The following STARD13 variants were observed in gnomAD, a reference collection of about 807,000 sequenced individuals.
STARD13 encodes the protein stAR-related lipid transfer protein 13.
In STARD13, 62 loss-of-function variants were observed where a neutral mutation model predicts 106.4. That is an observed-to-expected ratio of 0.58 (90% CI 0.48 to 0.72). The LOEUF is 0.72. Ranked by LOEUF, STARD13 falls within the 30% of genes least tolerant of loss-of-function variation. STARD13 has a pLI of 0.00. For synonymous variants in STARD13, 565 were observed against 553.0 expected, an observed-to-expected ratio of 1.02 and a Z score of -0.31; for missense variants, 1,387 against 1,424.0, an observed-to-expected ratio of 0.97 and a Z score of 0.42.
intron 2 of STARD13, among the ~76,000 whole-genome samples, chr13:33,166,225 T>A (rs149899033): frequency 6.6e-6 from 1 of 152,148 alleles, no homozygotes; most frequent in East Asian, 1.9e-4. Flanking sequence ...TAATTCCCCT[T>A]CTGGTGAAAA....
chr13:33,419,966 T>A, the STARD13 span, among the ~76,000 whole-genome samples: 1 of 151,918 alleles, frequency 6.6e-6, no homozygotes, highest in Non-Finnish European at 1.5e-5. Context: ...GCACTAAACA[T>A]GGAAAGGAAC....
At position 33,257,550 on chromosome 13, in the gene STARD13, A is replaced by G. The variant is rs1325775039; in HGVS notation, c.169+27920T>C. ...GCCCTGGAGCCTGAAGACATTTGAG[A>G]TGGATACACCTAAGGAGAGGAGGAG... On this transcript the variant is annotated intron_variant, in intron 1 of 13. Coordinates refer to ENST00000336934, the MANE Select transcript of STARD13 (RefSeq NM_178006.4). 2.0e-5 allele frequency among the ~76,000 whole-genome samples: 3 copies of G among 152,182 alleles called. No homozygotes were observed. The East Asian group carries it at 5.8e-4, about 29-fold the overall frequency.
chr13:33,295,711 G>A (rs752401629), intron 1 of STARD13, among the ~76,000 whole-genome samples: 4 of 152,080 alleles, frequency 2.6e-5, no homozygotes, highest in Admixed American at 2.0e-4. Flanking sequence ...GCCCGGGGGG[G>A]GCAGAGGAGA....
chr13:33,123,078 A>AAAAAAAAAC (rs1566542589), intron 7 of STARD13, among the ~76,000 whole-genome samples: 1 of 150,986 alleles, frequency 6.6e-6, no homozygotes, highest in Non-Finnish European at 1.5e-5. Context: ...AAAAAAAAAA[A>AAAAAAAAAC]AGCAAGGACT....
chr13:33,109,752 C>T, intron 12 of STARD13, 121 bp downstream of exon 12: 2 of 859,338 alleles, frequency 2.3e-6, no homozygotes, highest in Non-Finnish European at 3.7e-6. Flanking sequence ...GAAACAAGAG[C>T]CGGCTTAGTG....
chr13:33,245,811 C>T (rs563649332), intron 1 of STARD13, among the ~76,000 whole-genome samples: 1 of 152,280 alleles, frequency 6.6e-6, no homozygotes, highest in Non-Finnish European at 1.5e-5. Context: ...TGCACAGATA[C>T]ATTTTTGTTT....
At chr13:33,239,493 C>G (rs890538063) in intron 1 of STARD13, among the ~76,000 whole-genome samples, 5 of 152,146 alleles carry the variant, frequency 3.3e-5, no homozygotes, top group Non-Finnish European at 5.9e-5. Context: ...TTATTCCCAT[C>G]AACAATACAC....
chr13:33,594,192 T>C, the STARD13 span, among the ~76,000 whole-genome samples: 1 of 152,074 alleles, frequency 6.6e-6, no homozygotes, highest in Non-Finnish European at 1.5e-5. Context: ...GGCATGCCAA[T>C]GAATAGCACC....
At position 33,190,439 on chromosome 13, in the gene STARD13, T is replaced by C. The variant is rs1041900812; in HGVS notation, c.170-22817A>G. ...CTGTCTCAAAAAAAATAATAAAATATATTTTAAGGATTTCCTGAGCCAGGC... is the reference window on the plus strand; with the variant it reads ...CTGTCTCAAAAAAAATAATAAAATACATTTTAAGGATTTCCTGAGCCAGGC... On this transcript the variant is annotated intron_variant, in intron 1 of 13. Coordinates refer to ENST00000336934, the MANE Select transcript of STARD13 (RefSeq NM_178006.4). 2.6e-5 allele frequency among the ~76,000 whole-genome samples: 4 copies of C among 152,064 alleles called. No individual in the cohort carries two copies. The South Asian group carries it at 8.3e-4, about 32-fold the overall frequency.
the STARD13 span, among the ~76,000 whole-genome samples, chr13:33,557,428 G>T: frequency 6.6e-6 from 1 of 152,030 alleles, no homozygotes; most frequent in African/African-American, 2.4e-5. Context: ...CTACAAATAC[G>T]TTTTTAAAAA....
chr13:33,371,000 T>C, the STARD13 span, among the ~76,000 whole-genome samples: 2 of 152,164 alleles, frequency 1.3e-5, no homozygotes, highest in Non-Finnish European at 2.9e-5. Context: ...TGTCTCACAA[T>C]CAAGATCAAT....
the STARD13 span, among the ~76,000 whole-genome samples, chr13:33,616,039 G>C: frequency 6.6e-6 from 1 of 152,042 alleles, no homozygotes; most frequent in South Asian, 2.1e-4. Context: ...TTTAACATTT[G>C]CTAGTTCTGT....
Position 33,130,230 on chromosome 13 carries a change from G to T in STARD13, c.447C>A (p.Thr149=), listed in dbSNP as rs1309666597. ...CGTCCACACGAGACCACCTGCGACT[G>T]GTTCTTTGGAAAGTCCATTTGTTGC... is the stretch of plus-strand genomic sequence containing the variant. The part of the protein sequence containing the change: ...CISNKWTFQR[T]SRRWSRVDDL... Residue 149 remains threonine (T), a synonymous_variant, in exon 5 of 14, where the codon ACC becomes ACA. Coordinates refer to ENST00000336934, the MANE Select transcript of STARD13 (RefSeq NM_178006.4). The surrounding 1 kb of genome is among the most constrained non-coding windows in gnomAD (Gnocchi z 4.1). 11 of 1,609,212 alleles carry T rather than the reference G, an allele frequency of 6.8e-6. No homozygotes were observed. Among genetic ancestry groups the T allele is most frequent in the Non-Finnish European group, 9.3e-6 (11 of 1,180,006 alleles).
At chr13:33,284,925 A>G (rs995865189) in intron 1 of STARD13, among the ~76,000 whole-genome samples, 6 of 152,174 alleles carry the variant, frequency 3.9e-5, no homozygotes, top group African/African-American at 1.4e-4. Flanking sequence ...CTCTACCAGG[A>G]AAACAATATT....
chr13:33,641,807 C>T, the STARD13 span, among the ~76,000 whole-genome samples: 9 of 152,054 alleles, frequency 5.9e-5, no homozygotes, highest in Non-Finnish European at 1.0e-4. Context: ...GCAGCTGGAT[C>T]GTGTAACTTT....
At chr13:33,384,797 A>T in the STARD13 span, among the ~76,000 whole-genome samples, 31 of 152,192 alleles carry the variant, frequency 2.0e-4, no homozygotes, top group African/African-American at 7.5e-4. Context: ...CTACCCTCAA[A>T]AAAGACTGCA....
chr13:33,156,936 G>T (rs989207925), intron 3 of STARD13, among the ~76,000 whole-genome samples: 4 of 152,094 alleles, frequency 2.6e-5, no homozygotes, highest in East Asian at 1.9e-4. Flanking sequence ...ACTTGCCCAA[G>T]AAATCAGTTA....
intron 1 of STARD13, among the ~76,000 whole-genome samples, chr13:33,244,230 A>G (rs1371626323): frequency 6.6e-6 from 1 of 151,966 alleles, no homozygotes; most frequent in Admixed American, 6.6e-5. Context: ...AGAGTTAGTA[A>G]GTTCTCTGTG....
chr13:33,251,403 A>G lies in STARD13; in HGVS notation c.169+34067T>C, dbSNP rs190122440. The stretch of plus-strand genomic sequence containing the variant: ...CCAAGTGAATCACTTCATTAAAATG[A>G]AAGGTTTACTAAAACAGTCTGCCAG... On this transcript the variant is annotated intron_variant, in intron 1 of 13. Coordinates refer to ENST00000336934, the MANE Select transcript of STARD13 (RefSeq NM_178006.4). Among the ~76,000 whole-genome samples, 5 of 152,338 alleles carry G rather than the reference A, an allele frequency of 3.3e-5. No homozygotes were observed. In the East Asian group the frequency reaches 9.6e-4, roughly 29 times the overall value.
Sources: allele counts gnomAD v4.1 joint callset (sites outside exome capture counted in the v4.1 genomes callset), GRCh38; gene constraint gnomAD v4.1.1; non-coding constraint Gnocchi (gnomAD v3.1); transcripts MANE v1.5; gene names NCBI Gene and HGNC (gene_info 2026-07-23, HGNC 2026-07-21).